Variants in PALM2AKAP2 observed in about 807,000 individuals in gnomAD.
PALM2AKAP2 encodes PALM2 and AKAP2 fusion.
Under a neutral mutation model 71.5 loss-of-function variants are expected in PALM2AKAP2, and 37 were observed. The observed-to-expected ratio is 0.52, with a 90% confidence interval of 0.40 to 0.68. The LOEUF (loss-of-function observed/expected upper bound fraction) is 0.68, where lower values mean the gene tolerates loss of function less well. Among genes scored for constraint, PALM2AKAP2 ranks in the 30% least tolerant of loss-of-function variants. The pLI is 0.00. For synonymous variants in PALM2AKAP2, 468 were observed against 478.8 expected (o/e 0.98, Z 0.29); for missense variants, 1,224 against 1,191.8 (o/e 1.03, Z -0.40).
At chr9:110,035,260 C>T (rs1291102751) in intron 7 of PALM2AKAP2, among the ~76,000 whole-genome samples, 1 of 101,968 alleles carries the variant, frequency 9.8e-6, no homozygotes, top group African/African-American at 4.1e-5. Flanking sequence ...ATTATATACA[C>T]ACATATATAA....
At chr9:109,741,067 A>G (rs1330893589) in intron 1 of PALM2AKAP2, among the ~76,000 whole-genome samples, 2 of 152,198 alleles carry the variant, frequency 1.3e-5, no homozygotes, top group Non-Finnish European at 2.9e-5. Context: ...ATACTCTGCA[A>G]CTATCATGCA....
At chr9:110,130,195 C>A (rs1418712361) in intron 1 of PALM2AKAP2, among the ~76,000 whole-genome samples, 1 of 152,216 alleles carries the variant, frequency 6.6e-6, no homozygotes, top group Non-Finnish European at 1.5e-5. Context: ...TTACAGTTTA[C>A]ATAGTACTTT....
At chr9:110,023,156 T>C (rs1414048387) in intron 7 of PALM2AKAP2, among the ~76,000 whole-genome samples, 3 of 151,550 alleles carry the variant, frequency 2.0e-5, no homozygotes, top group South Asian at 2.1e-4. Context: ...ATCGCCACAC[T>C]GACTTCCACA....
At chr9:109,745,766 T>A (rs1828790966) in intron 1 of PALM2AKAP2, among the ~76,000 whole-genome samples, 1 of 152,174 alleles carries the variant, frequency 6.6e-6, no homozygotes. Context: ...CTGCCAGAAC[T>A]CCCTGGCTTC....
intron 7 of PALM2AKAP2, among the ~76,000 whole-genome samples, chr9:110,017,222 C>A (rs1268148507): frequency 6.6e-6 from 1 of 152,192 alleles, no homozygotes; most frequent in Non-Finnish European, 1.5e-5. Context: ...AAAGAATATA[C>A]AGCATGGATT....
At chr9:109,807,025 G>A (rs1279685462) in intron 1 of PALM2AKAP2, among the ~76,000 whole-genome samples, 7 of 152,294 alleles carry the variant, frequency 4.6e-5, no homozygotes, top group African/African-American at 1.7e-4. Context: ...TGGTAATTCA[G>A]AGGGAAAAGA....
intron 6 of PALM2AKAP2, among the ~76,000 whole-genome samples, chr9:109,994,754 C>A (rs551024768): frequency 9.0e-4 from 137 of 152,220 alleles, no homozygotes; most frequent in African/African-American, 3.3e-3. Context: ...AGTTGTCCCC[C>A]AACACTCATA....
At chr9:109,743,054 C>T (rs1337676933) in intron 1 of PALM2AKAP2, among the ~76,000 whole-genome samples, 1 of 152,134 alleles carries the variant, frequency 6.6e-6, no homozygotes, top group South Asian at 2.1e-4. Flanking sequence ...GCTGAGTCCC[C>T]CTCCCATTTT....
chr9:109,776,623 C>T (rs1829351973), upstream of PALM2AKAP2, among the ~76,000 whole-genome samples: 1 of 152,176 alleles, frequency 6.6e-6, no homozygotes, highest in African/African-American at 2.4e-5. Flanking sequence ...GTGTCTGATA[C>T]CTCCCAGCTT....
chr9:110,107,343 A>G (rs1835142506), intron 1 of PALM2AKAP2, among the ~76,000 whole-genome samples: 1 of 152,234 alleles, frequency 6.6e-6, no homozygotes, highest in African/African-American at 2.4e-5. Flanking sequence ...AAACATCACT[A>G]TGTACCCCAT....
At chr9:109,849,049 T>TAGAGG (rs1828938333) in intron 1 of PALM2AKAP2, among the ~76,000 whole-genome samples, 1 of 151,648 alleles carries the variant, frequency 6.6e-6, no homozygotes, top group African/African-American at 2.4e-5. Context: ...TGACTCCACA[T>TAGAGG]AGAGGAGAGG....
At chr9:109,701,707 C>T (rs1169221600) in intron 1 of PALM2AKAP2, among the ~76,000 whole-genome samples, 1 of 152,142 alleles carries the variant, frequency 6.6e-6, no homozygotes, top group African/African-American at 2.4e-5. Context: ...GTCTAAAACA[C>T]CAAAAGCAAT....
At chr9:109,643,620 A>T (rs1354154067) in intron 1 of PALM2AKAP2, among the ~76,000 whole-genome samples, 1 of 152,146 alleles carries the variant, frequency 6.6e-6, no homozygotes, top group Admixed American at 6.5e-5. Context: ...TTCTTGCTCC[A>T]CAGGATCCAA....
chr9:109,871,014 A>G (rs1324395945), intron 2 of PALM2AKAP2, among the ~76,000 whole-genome samples: 1 of 152,224 alleles, frequency 6.6e-6, no homozygotes, highest in Non-Finnish European at 1.5e-5. Context: ...CTCATATTCT[A>G]TGTCTTAAGA....
chr9:110,104,932 T>G (rs1835080223), intron 1 of PALM2AKAP2, among the ~76,000 whole-genome samples: 1 of 152,192 alleles, frequency 6.6e-6, no homozygotes, highest in Non-Finnish European at 1.5e-5. Flanking sequence ...ACCTCGAACT[T>G]TTCTCTCTAG....
At chr9:109,807,600 C>T (rs2131425461) in intron 1 of PALM2AKAP2, among the ~76,000 whole-genome samples, 1 of 150,468 alleles carries the variant, frequency 6.6e-6, no homozygotes, top group South Asian at 2.1e-4. Context: ...ATATTATGAG[C>T]ATGTAATATA....
rs187557633 is a variant in PALM2AKAP2 at position 109,675,485 on chromosome 9, A to C, written c.5+34619A>C. On this transcript the variant is annotated intron_variant, in intron 1 of 6. Transcript: ENST00000374531. ...ATAATTGGAAAAGTTCTGAGTAGGC[A>C]AAAGTTGCCTCCATACTTGTTTGGC... Among the ~76,000 whole-genome samples the C allele has an allele frequency of 1.2e-3, 179 of 152,286 alleles. 1 individual carries two copies. The highest frequency in any genetic ancestry group is 4.0e-3 in the African/African-American group (168 of 41,582).
At chr9:109,914,580 G>A (rs1053537479) in intron 3 of PALM2AKAP2, among the ~76,000 whole-genome samples, 1 of 152,194 alleles carries the variant, frequency 6.6e-6, no homozygotes, top group Non-Finnish European at 1.5e-5. Context: ...GTTTTGGCAG[G>A]TTGGCCAGAC....
exon 2 of PALM2AKAP2, chr9:110,137,654 T>C: frequency 6.2e-7 from 1 of 1,614,010 alleles, no homozygotes; most frequent in South Asian, 1.1e-5. Flanking sequence ...GGAGCTTGAC[T>C]CTGGTCTGGA....
Sources: gnomAD v4.1 joint callset for allele counts (sites outside exome capture counted in the v4.1 genomes callset) on GRCh38, gnomAD v4.1.1 for gene constraint, MANE v1.5 for transcripts, NCBI Gene and HGNC (gene_info 2026-07-23, HGNC 2026-07-21) for gene names.